Variants in TNFRSF13B observed in about 807,000 individuals in gnomAD.
TNFRSF13B encodes tumor necrosis factor receptor superfamily member 13B.
Under a neutral mutation model 24.0 loss-of-function variants are expected in TNFRSF13B, and 34 were observed. The observed-to-expected ratio is 1.41, with a 90% CI of 1.08 to 1.88. The LOEUF (loss-of-function observed/expected upper bound fraction) is 1.88, where lower values mean the gene tolerates loss of function less well. Ranked by LOEUF, TNFRSF13B falls within the 40% of genes most tolerant of loss-of-function variation. The pLI, the probability that TNFRSF13B is intolerant of heterozygous loss-of-function variation, is 0.00. For synonymous variants in TNFRSF13B, 173 were observed against 150.3 expected (o/e 1.15, Z -1.10); for missense variants, 415 against 380.8 (o/e 1.09, Z -0.75).
chr17:16,952,796 C>T (rs1028898061), intron 1 of TNFRSF13B, among the ~76,000 whole-genome samples: 1 of 152,232 alleles, frequency 6.6e-6, no homozygotes, highest in Non-Finnish European at 1.5e-5. Context: ...TCAGTTTCCC[C>T]ATCTGCACAT....
chr17:16,968,621 A>G (rs1209935890), intron 1 of TNFRSF13B, among the ~76,000 whole-genome samples: 2 of 152,260 alleles, frequency 1.3e-5, no homozygotes, highest in Non-Finnish European at 2.9e-5. Flanking sequence ...AGAAGAAAAC[A>G]TAGAAGTAAA....
intron 1 of TNFRSF13B, among the ~76,000 whole-genome samples, chr17:16,968,404 G>T (rs553208991): frequency 6.6e-6 from 1 of 152,264 alleles, no homozygotes; most frequent in East Asian, 1.9e-4. Context: ...CAAAAATAAA[G>T]CCTAACAGTT....
At chr17:16,939,933 G>A in intron 4 of TNFRSF13B, 136 bp from the exon 5 acceptor site, 5 of 1,268,688 alleles carry the variant, frequency 3.9e-6, no homozygotes, top group Non-Finnish European at 5.3e-6. Flanking sequence ...CCAGACAGGT[G>A]TCAGTGTCCG....
At chr17:16,958,468 G>C (rs2087639382) in intron 1 of TNFRSF13B, among the ~76,000 whole-genome samples, 1 of 151,634 alleles carries the variant, frequency 6.6e-6, no homozygotes, top group Non-Finnish European at 1.5e-5. Flanking sequence ...TGTATATTCA[G>C]TGTATAAGAG....
intron 1 of TNFRSF13B, among the ~76,000 whole-genome samples, chr17:16,966,320 T>A (rs2087699208): frequency 6.7e-6 from 1 of 149,740 alleles, no homozygotes; most frequent in Admixed American, 6.6e-5. Flanking sequence ...AACTTCTCTA[T>A]GACAACAAAC....
In TNFRSF13B at chr17:16,966,832, C is replaced by CTTTTTTTTTTTTTTTT. The variant is rs796602708; in HGVS notation, c.61+5182_61+5183insAAAAAAAAAAAAAAAA. Reference sequence around the variant, plus strand: ...TTGGTTTTTTTTGTTTTTTCTTTTTCTTTTTTCTTTTTTTTTTTTTTTTTG... The same window carrying CTTTTTTTTTTTTTTTT: ...TTGGTTTTTTTTGTTTTTTCTTTTTCTTTTTTTTTTTTTTTTTTTTTTCTTTTTTTTTTTTTTTTTG... On this transcript the variant is annotated intron_variant, in intron 1 of 4. Transcript: ENST00000261652. 2.1e-5 allele frequency among the ~76,000 whole-genome samples: 2 copies of CTTTTTTTTTTTTTTTT among 95,848 alleles called. 1 individual carries two copies. 62.9% of individuals were successfully genotyped at this position (95,848 alleles called of 152,430 possible).
At chr17:16,945,355 A>T (rs2087540307) in intron 3 of TNFRSF13B, among the ~76,000 whole-genome samples, 1 of 152,214 alleles carries the variant, frequency 6.6e-6, no homozygotes, top group Non-Finnish European at 1.5e-5. Flanking sequence ...CAGGGGCAAC[A>T]GTTCACCGCC....
intron 1 of TNFRSF13B, 72 bp from the exon 2 acceptor site, chr17:16,952,655 A>G: frequency 6.2e-7 from 1 of 1,608,062 alleles, no homozygotes; most frequent in Non-Finnish European, 8.5e-7. Context: ...ATGGGAACCA[A>G]GACGGCCTCT....
At chr17:16,967,876 G>T (rs776278638) in intron 1 of TNFRSF13B, among the ~76,000 whole-genome samples, 2 of 150,122 alleles carry the variant, frequency 1.3e-5, no homozygotes, top group Non-Finnish European at 3.0e-5. Flanking sequence ...GGTGGCTCAC[G>T]CCTGTAATCC....
chr17:16,939,289 C>T lies in TNFRSF13B; in HGVS notation c.*258G>A. The T allele has an allele frequency of 2.1e-6, 1 of 482,396 alleles. No individual in the cohort carries two copies. The highest frequency in any genetic ancestry group is 3.7e-6 in the Non-Finnish European group (1 of 273,828). 29.9% of individuals were successfully genotyped at this position (482,396 alleles called of 1,614,324 possible). On this transcript the variant is annotated 3_prime_UTR_variant, in exon 5 of 5. Transcript: ENST00000261652. ...CCTCTCTGTCTCTCTGCCTCTCTCCCTCTCTGCCTCTCTCCCTCTCTGCCT... is the reference window on the plus strand; with the variant it reads ...CCTCTCTGTCTCTCTGCCTCTCTCCTTCTCTGCCTCTCTCCCTCTCTGCCT...
At chr17:16,959,047 T>C (rs1374847411) in intron 1 of TNFRSF13B, among the ~76,000 whole-genome samples, 1 of 152,062 alleles carries the variant, frequency 6.6e-6, no homozygotes, top group Non-Finnish European at 1.5e-5. Context: ...TTCTCCAGGA[T>C]AGACCTTATG....
intron 1 of TNFRSF13B, among the ~76,000 whole-genome samples, chr17:16,957,096 G>A (rs2087630146): frequency 6.6e-6 from 1 of 151,924 alleles, no homozygotes; most frequent in African/African-American, 2.4e-5. Flanking sequence ...AGGCTGTGCG[G>A]GGGGATGTGG....
intron 1 of TNFRSF13B, among the ~76,000 whole-genome samples, chr17:16,958,698 A>C (rs1381527513): frequency 1.3e-5 from 2 of 152,086 alleles, no homozygotes; most frequent in Non-Finnish European, 2.9e-5. Context: ...ACTTTAAATC[A>C]CAAAAAAATT....
intron 1 of TNFRSF13B, among the ~76,000 whole-genome samples, chr17:16,957,914 G>A (rs1296584280): frequency 6.6e-6 from 1 of 152,110 alleles, no homozygotes; most frequent in Admixed American, 6.5e-5. Flanking sequence ...ATAAGAAAAA[G>A]TGAAGTAAAT....
chr17:16,950,033 C>T (rs2087578012), intron 2 of TNFRSF13B, among the ~76,000 whole-genome samples: 1 of 152,050 alleles, frequency 6.6e-6, no homozygotes, highest in African/African-American at 2.4e-5. Flanking sequence ...GTGAAAAAGG[C>T]AAGTTTCCTT....
intron 1 of TNFRSF13B, among the ~76,000 whole-genome samples, chr17:16,968,079 C>T (rs1362073902): frequency 6.9e-6 from 1 of 145,058 alleles, no homozygotes; most frequent in African/African-American, 2.6e-5. Context: ...AGGCGGAGCT[C>T]GCAGTGAGCC....
Position 16,948,908 on chromosome 17 carries a change from A to T in TNFRSF13B, c.275T>A (p.Ile92Asn), listed in dbSNP as rs368250378. 2 of 1,614,098 alleles carry T rather than the reference A, an allele frequency of 1.2e-6. No individual in the cohort carries two copies. The highest frequency in any genetic ancestry group is 1.7e-6 in the Non-Finnish European group (2 of 1,180,044). The change falls in exon 3 of 5, where the codon ATC (isoleucine) becomes AAC (asparagine). Residue 92 changes from isoleucine to asparagine, a missense_variant. Physicochemically the swap from Ile to Asn is moderately radical, Grantham distance 149 (BLOSUM62 -3). Transcript: ENST00000261652. ...LLRDCISCAS[I>N]CGQHPKQCAY... is the part of the protein sequence containing the mutation. ...ACATTGCTTAGGGTGCTGTCCACAG[A>T]TGGAGGCACAGCTGATGCAGTCCCT...
intron 3 of TNFRSF13B, chr17:16,941,012 T>G (rs1161819778): frequency 1.6e-5 from 14 of 874,294 alleles, no homozygotes; most frequent in Admixed American, 9.9e-5. Context: ...GCCTGGCATT[T>G]GCATATAACC....
Position 16,939,490 on chromosome 17 carries a change from T to TTCTCTCTCCCCTCCTCTCCA in TNFRSF13B, c.*37_*56dup. 1.3e-6 allele frequency: 2 copies of TTCTCTCTCCCCTCCTCTCCA among 1,538,782 alleles called. No individual in the cohort carries two copies. The highest frequency in any genetic ancestry group is 1.7e-4 in the Middle Eastern group (1 of 5,854). ...CTCTCTCCCCTCTCCCCACCTCTCTTTCTCTCTCCCCTCCTCTCCATCTCT... is the reference window on the plus strand; with the variant it reads ...CTCTCTCCCCTCTCCCCACCTCTCTTTCTCTCTCCCCTCCTCTCCATCTCTCTCCCCTCCTCTCCATCTCT... On this transcript the variant is annotated 3_prime_UTR_variant, in exon 5 of 5. Coordinates refer to ENST00000261652, the MANE Select transcript of TNFRSF13B (RefSeq NM_012452.3).
Sources: allele counts gnomAD v4.1 joint callset (sites outside exome capture counted in the v4.1 genomes callset), GRCh38; gene constraint gnomAD v4.1.1; transcripts MANE v1.5; gene names NCBI Gene and HGNC (gene_info 2026-07-23, HGNC 2026-07-21).